The following LPAR1 variants were observed in gnomAD, a reference collection of about 807,000 sequenced individuals.
LPAR1 encodes the protein LPA receptor 1.
LPAR1 carries 5 observed loss-of-function variants against 23.8 expected under a neutral mutation model. The observed-to-expected ratio is 0.21, with a 90% CI of 0.11 to 0.44. The LOEUF is 0.44. LPAR1 is among the 20% of genes least tolerant of loss of function. The pLI is 0.99. For missense variants in LPAR1, 311 were observed against 482.8 expected, an observed-to-expected ratio of 0.64 and a Z score of 3.33; for synonymous variants, 160 against 164.7, an observed-to-expected ratio of 0.97 and a Z score of 0.22.
At chr9:110,961,617 C>CAAAAAAAAAAAAAAAAA (rs57773067) in intron 4 of LPAR1, among the ~76,000 whole-genome samples, 4 of 79,852 alleles carry the variant, frequency 5.0e-5, no homozygotes, top group African/African-American at 9.2e-5. Flanking sequence ...GAGACTATCT[C>CAAAAAAAAAAAAAAAAA]AAAAAAAAAA....
At chr9:111,003,073 A>G (rs1318092005) in intron 2 of LPAR1, among the ~76,000 whole-genome samples, 3 of 152,198 alleles carry the variant, frequency 2.0e-5, no homozygotes, top group African/African-American at 7.2e-5. Flanking sequence ...GATCATCAGG[A>G]GCCCATTTGA....
intron 2 of LPAR1, among the ~76,000 whole-genome samples, chr9:111,011,318 C>A (rs1360944990): frequency 6.6e-6 from 1 of 152,142 alleles, no homozygotes; most frequent in Non-Finnish European, 1.5e-5. Flanking sequence ...ACATCTTATC[C>A]AATCCTTTAG....
intron 5 of LPAR1, among the ~76,000 whole-genome samples, chr9:110,928,398 A>T (rs532733452): frequency 1.4e-4 from 21 of 152,310 alleles, no homozygotes; most frequent in Non-Finnish European, 2.6e-4. Flanking sequence ...TACAGTTAGA[A>T]TTACTCATAT....
intron 2 of LPAR1, among the ~76,000 whole-genome samples, chr9:111,035,842 A>G (rs556935575): frequency 6.6e-6 from 1 of 152,314 alleles, no homozygotes; most frequent in East Asian, 1.9e-4. Context: ...GATACAGTGT[A>G]TTCTGCCCAG....
chr9:110,944,956 T>C (rs577715373), intron 4 of LPAR1, among the ~76,000 whole-genome samples: 10 of 152,154 alleles, frequency 6.6e-5, no homozygotes, highest in Non-Finnish European at 1.5e-4. Context: ...CTATATTTCA[T>C]GAAAATTAGC....
intron 5 of LPAR1, among the ~76,000 whole-genome samples, chr9:110,936,934 C>T (rs978456756): frequency 6.6e-6 from 1 of 152,182 alleles, no homozygotes; most frequent in Admixed American, 6.5e-5. Flanking sequence ...TTGACGGCCA[C>T]TCTGACTCAA....
chr9:110,880,804 C>T (rs1300223640), intron 5 of LPAR1, among the ~76,000 whole-genome samples: 2 of 152,110 alleles, frequency 1.3e-5, no homozygotes, highest in African/African-American at 4.8e-5. Context: ...TTGTTTATTC[C>T]CTCAGGTCAG....
At chr9:110,945,910 C>A (rs2095361047) in intron 4 of LPAR1, among the ~76,000 whole-genome samples, 1 of 152,076 alleles carries the variant, frequency 6.6e-6, no homozygotes, top group Non-Finnish European at 1.5e-5. Context: ...CTGAGCCCAC[C>A]CAAAAATCTA....
At chr9:110,980,378 G>A (rs1254995849) in intron 2 of LPAR1, among the ~76,000 whole-genome samples, 1 of 151,982 alleles carries the variant, frequency 6.6e-6, no homozygotes, top group African/African-American at 2.4e-5. Flanking sequence ...TCTGGGGAAG[G>A]TAAAATTGTA....
intron 2 of LPAR1, among the ~76,000 whole-genome samples, chr9:110,977,107 TC>T (rs1457165670): frequency 1.2e-4 from 18 of 152,046 alleles, no homozygotes; most frequent in Non-Finnish European, 2.5e-4. Flanking sequence ...AAACACGATA[TC>T]CTCTTCATGT....
In LPAR1 at chr9:110,943,865, C is replaced by CA. The variant is rs11361205; in HGVS notation, c.46-1698dup. 5.1e-3 allele frequency among the ~76,000 whole-genome samples: 565 copies of CA among 109,770 alleles called. 4 individuals are homozygous for CA. The highest frequency in any genetic ancestry group is 0.013 in the African/African-American group (400 of 29,818). The allele number at this position is 109,770 out of a possible 152,430, so 72.0% of individuals were successfully genotyped here. ...ACAAAGCAAGACCCCAACTCCATCT[C>CA]AAAAAAAAAAAAAAAAAAGACAAAG... On this transcript the variant is annotated intron_variant, in intron 4 of 5. Coordinates refer to ENST00000683809, the MANE Select transcript of LPAR1 (RefSeq NM_001351411.2).
At chr9:110,944,841 G>A (rs755058902) in intron 4 of LPAR1, among the ~76,000 whole-genome samples, 14 of 151,988 alleles carry the variant, frequency 9.2e-5, no homozygotes, top group South Asian at 6.2e-4. Flanking sequence ...AATGATTTTC[G>A]AAACTCAATT....
intron 4 of LPAR1, among the ~76,000 whole-genome samples, chr9:110,968,445 T>A (rs1037614332): frequency 1.8e-4 from 27 of 151,490 alleles, no homozygotes; most frequent in East Asian, 5.8e-4. Context: ...TCTCTCTCTC[T>A]CACACACACA....
Position 110,949,736 on chromosome 9 carries a change from A to G in LPAR1, c.46-7568T>C, listed in dbSNP as rs73657208. On this transcript the variant is annotated intron_variant, in intron 4 of 5. Transcript: ENST00000683809. Reference sequence around the variant, plus strand: ...TAAGACCATAAATGAGAGTTTCTAAATAAAATGCAAGTAAATCAAATATGT... The same window carrying G: ...TAAGACCATAAATGAGAGTTTCTAAGTAAAATGCAAGTAAATCAAATATGT... Among the ~76,000 whole-genome samples the G allele has an allele frequency of 8.8e-3, 1,343 of 152,370 alleles. 22 individuals are homozygous for G. The highest frequency in any genetic ancestry group is 0.031 in the African/African-American group (1,271 of 41,596).
intron 2 of LPAR1, among the ~76,000 whole-genome samples, chr9:111,006,052 A>T (rs529583802): frequency 6.6e-6 from 1 of 152,340 alleles, no homozygotes; most frequent in East Asian, 1.9e-4. Context: ...CTGGCAATAT[A>T]GACAGTGCTC....
At chr9:110,889,947 T>C (rs1324511258) in intron 5 of LPAR1, among the ~76,000 whole-genome samples, 2 of 152,124 alleles carry the variant, frequency 1.3e-5, no homozygotes, top group Non-Finnish European at 2.9e-5. Flanking sequence ...AGCAAAAATA[T>C]ATAACGTCCC....
intron 2 of LPAR1, among the ~76,000 whole-genome samples, chr9:111,028,089 A>G (rs563447947): frequency 6.6e-5 from 10 of 152,128 alleles, no homozygotes; most frequent in East Asian, 1.9e-4. Flanking sequence ...GTAAAAGCAA[A>G]TATTTTTAAA....
intron 4 of LPAR1, among the ~76,000 whole-genome samples, chr9:110,950,321 TG>T (rs1308953794): frequency 6.6e-6 from 1 of 151,902 alleles, no homozygotes; most frequent in East Asian, 1.9e-4. Context: ...GAAATTTAGC[TG>T]GGCATAGTGG....
At chr9:110,878,010 T>C (rs1172627121) in intron 5 of LPAR1, among the ~76,000 whole-genome samples, 2 of 152,184 alleles carry the variant, frequency 1.3e-5, no homozygotes, top group African/African-American at 4.8e-5. Context: ...CAAGGAACCC[T>C]GCTAGACTGA....
Sources: allele counts gnomAD v4.1 joint callset (sites outside exome capture counted in the v4.1 genomes callset), GRCh38; gene constraint gnomAD v4.1.1; transcripts MANE v1.5; gene names NCBI Gene and HGNC (gene_info 2026-07-23, HGNC 2026-07-21).